Variants in RAB11FIP1 observed in about 807,000 individuals in gnomAD.
RAB11FIP1 encodes RAB11 family interacting protein 1, also known as rab11 family-interacting protein 1.
Under a neutral mutation model 83.1 loss-of-function variants are expected in RAB11FIP1, and 49 were observed. The ratio of observed to expected loss-of-function variants is 0.59; its 90% confidence interval spans 0.47 to 0.75. RAB11FIP1 has a LOEUF of 0.75. Ranked by LOEUF, RAB11FIP1 falls within the 30% of genes least tolerant of loss-of-function variation. The pLI, the probability that RAB11FIP1 is intolerant of heterozygous loss-of-function variation, is 0.00. For synonymous variants in RAB11FIP1, 670 were observed against 656.0 expected (o/e 1.02, Z -0.33); for missense variants, 1,536 against 1,598.7 (o/e 0.96, Z 0.67).
chr8:37,861,189 TA>T lies in RAB11FIP1; in HGVS notation c.*1705del, dbSNP rs76238618. The stretch of plus-strand genomic sequence containing the variant: ...CTAAGAAGGAAGCAAGTGCCCTAGT[TA>T]AAAAAAAAAAAAGTCTATAAATCTA... On this transcript the variant is annotated 3_prime_UTR_variant, in exon 6 of 6. Coordinates refer to ENST00000330843, the MANE Select transcript of RAB11FIP1 (RefSeq NM_001002814.3). 2.8e-3 allele frequency: 401 copies of T among 141,648 alleles called. No individual in the cohort carries two copies. Among genetic ancestry groups the T allele is most frequent in the Non-Finnish European group, 3.1e-3 (202 of 64,292 alleles). The allele number at this position is 141,648 out of a possible 1,614,324, so 8.8% of individuals were successfully genotyped here. A position where few individuals can be genotyped will look rare whatever the true frequency, so the allele number is the denominator to read the frequency against.
At chr8:37,885,986 G>A (rs146796616) in intron 1 of RAB11FIP1, among the ~76,000 whole-genome samples, 146 of 152,322 alleles carry the variant, frequency 9.6e-4, no homozygotes, top group Middle Eastern at 3.4e-3. Context: ...AGATATTCAC[G>A]ATTACGCTGG....
chr8:37,863,853 G>A (rs930330146), intron 5 of RAB11FIP1, among the ~76,000 whole-genome samples: 2 of 152,154 alleles, frequency 1.3e-5, no homozygotes, highest in African/African-American at 4.8e-5. Context: ...GGGAACACTA[G>A]GAGCTCACAC....
rs373943496 is a variant in RAB11FIP1, at chr8:37,874,959, A to G, written c.1178T>C (p.Met393Thr). ...GGCAGGTCGGTAGGACGGCAGGGTC[A>G]TAGACTTCAAGGAGTCCTTGGTGGA... ...ESSTKDSLKSMTLPSYRPAPL... is the reference protein window; with the variant it reads ...ESSTKDSLKSTTLPSYRPAPL... Residue 393 changes from methionine (M) to threonine (T), a missense_variant, in exon 3 of 6, where the codon ATG (methionine) becomes ACG (threonine). Physicochemically the swap from Met to Thr is moderately conservative, Grantham distance 81 (BLOSUM62 -1). Transcript: ENST00000330843. The G allele has an allele frequency of 2.0e-5, 32 of 1,614,058 alleles. No homozygotes were observed. The highest frequency in any genetic ancestry group is 2.6e-5 in the Non-Finnish European group (31 of 1,180,050).
At chr8:37,879,233 G>A (rs1335141027) in intron 1 of RAB11FIP1, among the ~76,000 whole-genome samples, 4 of 151,998 alleles carry the variant, frequency 2.6e-5, no homozygotes, top group Non-Finnish European at 4.4e-5. Flanking sequence ...GCTTGAACCC[G>A]GGAGGCGGAG....
At chr8:37,876,521 C>G (rs1369922445) in intron 2 of RAB11FIP1, among the ~76,000 whole-genome samples, 1 of 151,836 alleles carries the variant, frequency 6.6e-6, no homozygotes, top group East Asian at 2.0e-4. Flanking sequence ...TTCCTTGAGC[C>G]CAGGAGTTGG....
chr8:37,872,283 G>T lies in RAB11FIP1; in HGVS notation c.2519C>A (p.Pro840His). 6.2e-7 allele frequency: 1 copy of T among 1,614,090 alleles called. No homozygotes were observed. Among genetic ancestry groups the T allele is most frequent in the Non-Finnish European group, 8.5e-7 (1 of 1,179,986 alleles). Residue 840 changes from proline (P) to histidine (H), a missense_variant, in exon 4 of 6, where the codon CCT (proline) becomes CAT (histidine). By Grantham distance (77) the Pro-to-His change is moderately conservative (BLOSUM62 -2). Transcript: ENST00000330843. ...GHSSCPQELNPAWSVAGNASD... is the reference protein window; with the variant it reads ...GHSSCPQELNHAWSVAGNASD... ...CGCGTTTCCAGCAACAGACCATGCA[G>T]GGTTCAGCTCCTGGGGACAACTGCT...
intron 2 of RAB11FIP1, among the ~76,000 whole-genome samples, chr8:37,876,506 G>A (rs1178851455): frequency 1.3e-5 from 2 of 151,898 alleles, no homozygotes; most frequent in African/African-American, 4.8e-5. Context: ...GCCAAGGTGA[G>A]AGGATTCCTT....
chr8:37,863,967 G>A (rs1295811869), intron 5 of RAB11FIP1, among the ~76,000 whole-genome samples: 1 of 152,178 alleles, frequency 6.6e-6, no homozygotes, highest in African/African-American at 2.4e-5. Flanking sequence ...TTCTTTCCAG[G>A]GCAGCAGGTC....
chr8:37,881,169 C>T (rs1315950815), intron 1 of RAB11FIP1, among the ~76,000 whole-genome samples: 2 of 152,230 alleles, frequency 1.3e-5, no homozygotes, highest in Non-Finnish European at 2.9e-5. Context: ...ACAAGAACGA[C>T]ACGGAGTAGA....
At chr8:37,871,194 G>C in intron 4 of RAB11FIP1, 84 bp downstream of exon 4, 13 of 1,501,276 alleles carry the variant, frequency 8.7e-6, no homozygotes. Flanking sequence ...ACGTCTGTGT[G>C]GTTAGAAAGC....
chr8:37,891,372 A>G (rs1806943895), intron 1 of RAB11FIP1, among the ~76,000 whole-genome samples: 1 of 152,176 alleles, frequency 6.6e-6, no homozygotes, highest in South Asian at 2.1e-4. Context: ...CTTCAAAAGT[A>G]TAGGGTAAGA....
intron 4 of RAB11FIP1, 92 bp from the exon 5 acceptor site, chr8:37,870,620 C>A (rs1806434577): frequency 1.5e-6 from 1 of 665,112 alleles, no homozygotes; most frequent in Non-Finnish European, 2.7e-6. Context: ...GTAAGCCAGA[C>A]AAGGGGCAGG....
At position 37,872,997 on chromosome 8, in the gene RAB11FIP1, A is replaced by C. The variant is rs73673899; in HGVS notation, c.1805T>G (p.Ile602Arg). Residue 602 changes from isoleucine to arginine, a missense_variant, in exon 4 of 6, where the codon ATA (isoleucine) becomes AGA (arginine). By Grantham distance (97) the Ile-to-Arg change is moderately conservative. Transcript: ENST00000330843. Reference sequence around the variant, plus strand: ...AGTGGATGTGGAAATGGGAGCTGCTATGGGAGATGAGAGAGAGGAGAAGAC... The same window carrying C: ...AGTGGATGTGGAAATGGGAGCTGCTCTGGGAGATGAGAGAGAGGAGAAGAC... ...PSVFSSLSSPIAAPISTSTPI... is the reference protein window; with the variant it reads ...PSVFSSLSSPRAAPISTSTPI... The C allele has an allele frequency of 2.5e-6, 4 of 1,613,938 alleles. No homozygotes were observed. The African/African-American group carries it at 4.0e-5, about 16-fold the overall frequency.
intron 2 of RAB11FIP1, among the ~76,000 whole-genome samples, chr8:37,876,540 G>A (rs535802085): frequency 8.8e-4 from 133 of 151,076 alleles, no homozygotes; most frequent in Admixed American, 4.3e-3. Context: ...GGAGGCTGCC[G>A]TAAGCTATGA....
intron 2 of RAB11FIP1, among the ~76,000 whole-genome samples, 170 bp from the exon 3 acceptor site, chr8:37,875,492 A>G (rs1316934866): frequency 2.0e-5 from 3 of 152,144 alleles, no homozygotes; most frequent in African/African-American, 7.2e-5. Context: ...ACATCTTACA[A>G]CGTATAGCAC....
chr8:37,872,307 C>T lies in RAB11FIP1; in HGVS notation c.2495G>A (p.Ser832Asn). Residue 832 changes from serine (S) to asparagine (N), a missense_variant, in exon 4 of 6, where the codon AGC becomes AAC. Transcript: ENST00000330843. Reference protein sequence around the residue: ...AGAALLVEGHSSCPQELNPAW... With the variant: ...AGAALLVEGHNSCPQELNPAW... ...AGGGTTCAGCTCCTGGGGACAACTGCTGTGTCCTTCCACCAGCAAGGCAGC... is the reference window on the plus strand; with the variant it reads ...AGGGTTCAGCTCCTGGGGACAACTGTTGTGTCCTTCCACCAGCAAGGCAGC... 1 of 1,614,060 alleles carries T rather than the reference C, an allele frequency of 6.2e-7. No homozygotes were observed. Among genetic ancestry groups the T allele is most frequent in the Admixed American group, 1.7e-5 (1 of 60,024 alleles).
chr8:37,878,894 C>T (rs1400209526), intron 1 of RAB11FIP1, among the ~76,000 whole-genome samples: 1 of 152,056 alleles, frequency 6.6e-6, no homozygotes, highest in Non-Finnish European at 1.5e-5. Flanking sequence ...AGCTACTCAA[C>T]ATGAGCCTAG....
At position 37,885,436 on chromosome 8, in the gene RAB11FIP1, C is replaced by G. The variant is rs80127626; in HGVS notation, c.372-7885G>C. Among the ~76,000 whole-genome samples, 934 of 152,284 alleles carry G rather than the reference C, an allele frequency of 6.1e-3. 10 individuals carry two copies. Among genetic ancestry groups the G allele is most frequent in the African/African-American group, 0.021 (881 of 41,538 alleles). ...CCATACCAGAGACAACCACTATTAT[C>G]AGTTTTATACACCCTCCCAAATGGT... On this transcript the variant is annotated intron_variant, in intron 1 of 5. Transcript: ENST00000330843.
chr8:37,874,540 G>T lies in RAB11FIP1; in HGVS notation c.1597C>A (p.Pro533Thr). 1 of 1,614,180 alleles carries T rather than the reference G, an allele frequency of 6.2e-7. No individual in the cohort carries two copies. The highest frequency in any genetic ancestry group is 1.1e-5 in the South Asian group (1 of 91,078). The change falls in exon 3 of 6, where the codon CCC becomes ACC. Residue 533 changes from proline to threonine, a missense_variant. Transcript: ENST00000330843. ...CGGGGCTTGACAGCTCTGGTCTGGGGAGCCCTCGGAGAGGAAATTGGAGGT... is the reference window on the plus strand; with the variant it reads ...CGGGGCTTGACAGCTCTGGTCTGGGTAGCCCTCGGAGAGGAAATTGGAGGT... ...PRPPISSPRA[P>T]QTRAVKPRLE... is the part of the protein sequence containing the mutation.
Sources: gnomAD v4.1 joint callset for allele counts (sites outside exome capture counted in the v4.1 genomes callset) on GRCh38, gnomAD v4.1.1 for gene constraint, MANE v1.5 for transcripts, NCBI Gene and HGNC (gene_info 2026-07-23, HGNC 2026-07-21) for gene names.